KCNH7: variants seen among roughly 807,000 people sequenced by gnomAD.
The protein encoded by KCNH7 is voltage-gated inwardly rectifying potassium channel KCNH7.
In KCNH7, 49 loss-of-function variants were observed where a neutral mutation model predicts 120.8. The ratio of observed to expected loss-of-function variants is 0.41; its 90% CI spans 0.32 to 0.51. KCNH7 has a LOEUF of 0.51. Ranked by LOEUF, KCNH7 falls within the 20% of genes least tolerant of loss-of-function variation. The pLI is 0.38. For missense variants in KCNH7, 1,097 were observed against 1,446.6 expected (o/e 0.76, Z 3.92); for synonymous variants, 547 against 516.1 (o/e 1.06, Z -0.81).
chr2:162,501,600 T>A (rs1690687155), intron 6 of KCNH7, among the ~76,000 whole-genome samples: 1 of 152,052 alleles, frequency 6.6e-6, no homozygotes, highest in African/African-American at 2.4e-5. Context: ...GGCTGTGAAG[T>A]CCAAGATCAA....
intron 2 of KCNH7, among the ~76,000 whole-genome samples, chr2:162,774,482 A>C (rs1683165663): frequency 6.6e-6 from 1 of 152,124 alleles, no homozygotes; most frequent in Non-Finnish European, 1.5e-5. Flanking sequence ...TGTATTTTAC[A>C]ACTCTTATCC....
chr2:162,630,426 A>T (rs1683724094), intron 2 of KCNH7, among the ~76,000 whole-genome samples: 1 of 152,062 alleles, frequency 6.6e-6, no homozygotes, highest in Non-Finnish European at 1.5e-5. Flanking sequence ...AGGAACATCT[A>T]CAACCAATAG....
intron 2 of KCNH7, among the ~76,000 whole-genome samples, chr2:162,821,732 A>G (rs1022900104): frequency 6.6e-6 from 1 of 152,146 alleles, no homozygotes; most frequent in East Asian, 1.9e-4. Flanking sequence ...TGTGGTGCTT[A>G]TATTTGGACA....
At chr2:162,702,045 C>T (rs1208807365) in intron 2 of KCNH7, among the ~76,000 whole-genome samples, 1 of 151,690 alleles carries the variant, frequency 6.6e-6, no homozygotes, top group African/African-American at 2.4e-5. Flanking sequence ...TGTTGGTGCT[C>T]AGGTGCTCAT....
intron 2 of KCNH7, among the ~76,000 whole-genome samples, chr2:162,582,992 C>G (rs1324929491): frequency 6.6e-6 from 1 of 152,026 alleles, no homozygotes; most frequent in Admixed American, 6.6e-5. Flanking sequence ...ATTTTAGTTG[C>G]TTAGTGAGAG....
At chr2:162,592,996 TAATC>T (rs1487266177) in intron 2 of KCNH7, among the ~76,000 whole-genome samples, 8 of 152,098 alleles carry the variant, frequency 5.3e-5, no homozygotes, top group Non-Finnish European at 7.4e-5. Context: ...AGTTTACTCA[TAATC>T]AATCATCTAA....
intron 2 of KCNH7, among the ~76,000 whole-genome samples, chr2:162,565,106 T>C (rs567836937): frequency 6.6e-6 from 1 of 152,230 alleles, no homozygotes; most frequent in South Asian, 2.1e-4. Flanking sequence ...AATATGTCTA[T>C]CTGCTGGGCT....
intron 2 of KCNH7, among the ~76,000 whole-genome samples, chr2:162,584,761 T>C (rs1280632967): frequency 1.3e-5 from 2 of 152,010 alleles, no homozygotes; most frequent in African/African-American, 2.4e-5. Flanking sequence ...ATTATGCTTC[T>C]AACTTAAACT....
chr2:162,428,781 C>G (rs1194409448), intron 8 of KCNH7, among the ~76,000 whole-genome samples: 1 of 151,750 alleles, frequency 6.6e-6, no homozygotes, highest in Admixed American at 6.6e-5. Flanking sequence ...GTAATAGTAC[C>G]TGTCCTGAAG....
chr2:162,766,864 T>TACACACACAC (rs200638624), intron 2 of KCNH7, among the ~76,000 whole-genome samples: 153 of 141,610 alleles, frequency 1.1e-3, no homozygotes, highest in Non-Finnish European at 1.8e-3. Context: ...CTAAGCACAT[T>TACACACACAC]ACACACACAC....
chr2:162,597,301 C>T (rs1451496816), intron 2 of KCNH7, among the ~76,000 whole-genome samples: 1 of 151,856 alleles, frequency 6.6e-6, no homozygotes, highest in African/African-American at 2.4e-5. Context: ...CCTAAATGCT[C>T]GATGATCAAT....
chr2:162,783,797 A>G (rs1269112016), intron 2 of KCNH7, among the ~76,000 whole-genome samples: 1 of 152,186 alleles, frequency 6.6e-6, no homozygotes, highest in East Asian at 1.9e-4. Flanking sequence ...AAAACTCAAC[A>G]TAGTTTCCAT....
intron 2 of KCNH7, among the ~76,000 whole-genome samples, chr2:162,807,544 T>G (rs2105559084): frequency 6.6e-6 from 1 of 152,230 alleles, no homozygotes; most frequent in South Asian, 2.1e-4. Flanking sequence ...GGCTTTTTTG[T>G]ATTTGAAAAA....
intron 2 of KCNH7, among the ~76,000 whole-genome samples, chr2:162,688,593 C>T (rs1470084747): frequency 1.3e-5 from 2 of 152,122 alleles, no homozygotes; most frequent in Non-Finnish European, 1.5e-5. Flanking sequence ...GGAATTCACA[C>T]TGAACTTTGT....
intron 2 of KCNH7, among the ~76,000 whole-genome samples, chr2:162,608,398 C>T (rs1459032078): frequency 6.6e-6 from 1 of 152,170 alleles, no homozygotes; most frequent in Non-Finnish European, 1.5e-5. Flanking sequence ...CTCATCTGGA[C>T]CATAGCTGGG....
chr2:162,641,233 A>G (rs79284663), intron 2 of KCNH7, among the ~76,000 whole-genome samples: 1,696 of 152,336 alleles, frequency 0.011, 15 homozygotes, highest in South Asian at 0.021. Context: ...TATTTATAAT[A>G]GCCAAAACCC....
At chr2:162,583,554 A>G (rs1161905682) in intron 2 of KCNH7, among the ~76,000 whole-genome samples, 1 of 152,106 alleles carries the variant, frequency 6.6e-6, no homozygotes, top group African/African-American at 2.4e-5. Context: ...ACAAGCAAGG[A>G]AAAAAACTCC....
At chr2:162,646,690 A>G (rs1460661837) in intron 2 of KCNH7, among the ~76,000 whole-genome samples, 1 of 152,210 alleles carries the variant, frequency 6.6e-6, no homozygotes, top group African/African-American at 2.4e-5. Context: ...GGACCATAAG[A>G]GAAGAAATGT....
intron 9 of KCNH7, among the ~76,000 whole-genome samples, chr2:162,416,831 C>T (rs1450603300): frequency 6.6e-6 from 1 of 152,040 alleles, no homozygotes; most frequent in Non-Finnish European, 1.5e-5. Flanking sequence ...GGGGGTGGCT[C>T]ACCTGGATAA....
Sources: gnomAD v4.1 joint callset for allele counts (sites outside exome capture counted in the v4.1 genomes callset) on GRCh38, gnomAD v4.1.1 for gene constraint, MANE v1.5 for transcripts, NCBI Gene and HGNC (gene_info 2026-07-23, HGNC 2026-07-21) for gene names.